MCF2L: variants seen among roughly 807,000 people sequenced by gnomAD.
MCF2L encodes the protein guanine nucleotide exchange factor DBS.
In MCF2L, 97 loss-of-function variants were observed where a neutral mutation model predicts 153.4. That is an observed-to-expected ratio of 0.63 (90% CI 0.54 to 0.75). The LOEUF (loss-of-function observed/expected upper bound fraction) is 0.75. MCF2L is among the 30% of genes least tolerant of loss of function. The pLI is 0.00. For missense variants in MCF2L, 1,347 were observed against 1,495.2 expected, an observed-to-expected ratio of 0.90 and a Z score of 1.64; for synonymous variants, 659 against 632.2, an observed-to-expected ratio of 1.04 and a Z score of -0.64.
upstream of MCF2L, chr13:112,967,437 A>G (rs2081907878): frequency 6.6e-6 from 1 of 152,194 alleles, no homozygotes; most frequent in African/African-American, 2.4e-5. Flanking sequence ...GAAACTGCTG[A>G]TACTCAATAC....
chr13:112,939,426 C>T (rs2081553311), intron 2 of MCF2L, among the ~76,000 whole-genome samples: 1 of 152,132 alleles, frequency 6.6e-6, no homozygotes, highest in Non-Finnish European at 1.5e-5. Context: ...CAGTGCATGC[C>T]CCCACTGCTC....
At position 113,045,601 on chromosome 13, in the gene MCF2L, C is replaced by T. The variant is rs1157874538; in HGVS notation, c.369+240C>T. 3.5e-6 allele frequency: 2 copies of T among 572,734 alleles called. No individual in the cohort carries two copies. Among genetic ancestry groups the T allele is most frequent in the South Asian group, 2.1e-5 (1 of 46,820 alleles). The allele number at this position is 572,734 out of a possible 1,614,324, so 35.5% of individuals were successfully genotyped here. On this transcript the variant is annotated intron_variant, in intron 4 of 29. Transcript: ENST00000535094. This position sits in a 1 kb window ranked among gnomAD's most constrained non-coding sequence, Gnocchi z 4.2. The stretch of plus-strand genomic sequence containing the variant: ...TAGGGAGCCCAATGTGACTTGCAAA[C>T]AATTTCCCCAGGCAGAGCAGCCCAT...
intron 2 of MCF2L, among the ~76,000 whole-genome samples, chr13:113,019,519 C>T (rs546507130): frequency 1.3e-5 from 2 of 152,286 alleles, no homozygotes; most frequent in Admixed American, 1.3e-4. Flanking sequence ...CTGGGGTGGC[C>T]CTGGGTGTTC....
At position 113,046,770 on chromosome 13, in the gene MCF2L, A is replaced by G. The variant is rs767639319; in HGVS notation, c.369+1409A>G. 1.8e-4 allele frequency: 81 copies of G among 440,748 alleles called. No individual in the cohort carries two copies. The highest frequency in any genetic ancestry group is 4.2e-4 in the Middle Eastern group (1 of 2,404). The allele number at this position is 440,748 out of a possible 1,614,324, so 27.3% of individuals were successfully genotyped here. On this transcript the variant is annotated intron_variant, in intron 4 of 29. Transcript: ENST00000535094. The surrounding 1 kb of genome is among the most constrained non-coding windows in gnomAD (Gnocchi z 4.4). ...GATCCCCGTTCCTGACCCTGACTCA[A>G]CCTGGCACACACCACCTATGGCATC... is the stretch of plus-strand genomic sequence containing the variant.
intron 29 of MCF2L, 33 bp from the exon 30 acceptor site, chr13:113,096,741 G>T: frequency 6.4e-7 from 1 of 1,555,404 alleles, no homozygotes; most frequent in Non-Finnish European, 8.6e-7. Context: ...CAGAGCCGAC[G>T]CCGAAGCCCG....
In MCF2L at chr13:113,096,789, C is replaced by T. The variant is rs766868930; in HGVS notation, c.3308C>T (p.Ser1103Leu). The T allele has an allele frequency of 6.4e-7, 1 of 1,567,324 alleles. No individual in the cohort carries two copies. The highest frequency in any genetic ancestry group is 8.6e-7 in the Non-Finnish European group (1 of 1,166,204). Residue 1103 changes from serine to leucine, a missense_variant, in exon 30 of 30, where the codon TCG becomes TTG. Ser to Leu is a moderately radical substitution (Grantham distance 145). Coordinates refer to ENST00000535094, the MANE Select transcript of MCF2L (RefSeq NM_001112732.3). ...CTCCCCGCAGAGTCGAGCCCGGGGT[C>T]GGCCGTGCTGAGCAACTCGTCCAGC... ...CLSSSESSPG[S>L]AVLSNSSSCS... is the part of the protein sequence containing the mutation.
chr13:112,998,824 C>A (rs1248200569), intron 1 of MCF2L, among the ~76,000 whole-genome samples: 1 of 152,132 alleles, frequency 6.6e-6, no homozygotes, highest in African/African-American at 2.4e-5. Flanking sequence ...TGAGGCCGTG[C>A]GAGCTCCCAC....
At chr13:112,971,941 G>T (rs2082050589) in intron 1 of MCF2L, among the ~76,000 whole-genome samples, 3 of 152,224 alleles carry the variant, frequency 2.0e-5, no homozygotes. Context: ...CAGAACAGTG[G>T]TCCTCCAACT....
At chr13:113,023,475 A>G (rs1320520) in intron 2 of MCF2L, among the ~76,000 whole-genome samples, 98,767 of 151,916 alleles carry the variant, frequency 0.65, 32,266 homozygotes, top group East Asian at 0.84. Flanking sequence ...GAAGCTGGAG[A>G]CAGTGGCTGT....
At chr13:112,994,421 G>A (rs976397001) in intron 1 of MCF2L, among the ~76,000 whole-genome samples, 2 of 152,258 alleles carry the variant, frequency 1.3e-5, no homozygotes, top group Non-Finnish European at 2.9e-5. Flanking sequence ...AGTGTCTCGG[G>A]CAGGGGCTGG....
At chr13:113,005,303 G>A (rs959181011) in intron 1 of MCF2L, among the ~76,000 whole-genome samples, 3 of 152,246 alleles carry the variant, frequency 2.0e-5, no homozygotes, top group African/African-American at 7.2e-5. Context: ...CGTGTGGGGT[G>A]TCAGAGACGC....
intron 3 of MCF2L, among the ~76,000 whole-genome samples, chr13:113,030,609 A>T (rs1401053993): frequency 6.6e-6 from 1 of 151,636 alleles, no homozygotes; most frequent in Non-Finnish European, 1.5e-5. Context: ...GTGTCCGCTG[A>T]TGCAGGTGTG....
chr13:112,995,907 G>A (rs1360160551), intron 1 of MCF2L, among the ~76,000 whole-genome samples: 4 of 152,186 alleles, frequency 2.6e-5, no homozygotes, highest in Admixed American at 6.5e-5. Context: ...AGCACCTGGC[G>A]GCCACCGGGG....
chr13:112,993,964 C>T lies in MCF2L; in HGVS notation c.80-20799C>T, dbSNP rs1037340139. Among the ~76,000 whole-genome samples the T allele has an allele frequency of 2.4e-4, 35 of 146,858 alleles. No individual in the cohort carries two copies. The highest frequency in any genetic ancestry group is 4.7e-4 in the Admixed American group (7 of 14,902). ...CACAATCACAACAGCAGCAAACACA[C>T]CTTCATTTTAAAGACAGCAGAGGAG... On this transcript the variant is annotated intron_variant, in intron 1 of 29. Transcript: ENST00000535094. This position sits in a 1 kb window ranked among gnomAD's most constrained non-coding sequence, Gnocchi z 4.6.
At chr13:113,036,279 A>G (rs528942226) in intron 3 of MCF2L, among the ~76,000 whole-genome samples, 4 of 152,268 alleles carry the variant, frequency 2.6e-5, no homozygotes, top group African/African-American at 9.6e-5. Flanking sequence ...CCTTCCTTTT[A>G]TACATAAGTT....
intron 2 of MCF2L, chr13:112,917,435 G>T: frequency 2.1e-5 from 7 of 334,064 alleles, no homozygotes; most frequent in South Asian, 1.4e-4. Context: ...CCAGGCTACC[G>T]CCCTGTCTCC....
At chr13:112,897,045 G>A (rs558870381) in intron 1 of MCF2L, among the ~76,000 whole-genome samples, 6 of 152,284 alleles carry the variant, frequency 3.9e-5, no homozygotes, top group African/African-American at 1.4e-4. Context: ...GCCCCAGCTC[G>A]GAGTGCGGGT....
At chr13:112,985,774 C>G (rs2082612528) in intron 1 of MCF2L, among the ~76,000 whole-genome samples, 1 of 152,234 alleles carries the variant, frequency 6.6e-6, no homozygotes, top group Non-Finnish European at 1.5e-5. Context: ...GCTGGGGGCT[C>G]AGCCTGCACC....
At chr13:113,061,063 C>T (rs574361647) in intron 5 of MCF2L, among the ~76,000 whole-genome samples, 25 of 152,220 alleles carry the variant, frequency 1.6e-4, no homozygotes, top group African/African-American at 2.4e-4. Context: ...CTGGCCCACC[C>T]GCGAGGAACT....
Sources: gnomAD v4.1 joint callset for allele counts (sites outside exome capture counted in the v4.1 genomes callset) on GRCh38, gnomAD v4.1.1 for gene constraint, Gnocchi (gnomAD v3.1) non-coding constraint, MANE v1.5 for transcripts, NCBI Gene and HGNC (gene_info 2026-07-23, HGNC 2026-07-21) for gene names.